DLG2: variants seen among roughly 807,000 people sequenced by gnomAD.
The protein encoded by DLG2 is discs large MAGUK scaffold protein 2, also known as disks large homolog 2.
A neutral mutation model predicts 132.5 loss-of-function variants in DLG2; 45 were observed. The ratio of observed to expected loss-of-function variants is 0.34; its 90% confidence interval spans 0.27 to 0.44. The LOEUF (loss-of-function observed/expected upper bound fraction) is 0.44. DLG2 is among the 20% of genes least tolerant of loss of function. DLG2 has a pLI of 1.00. For synonymous variants in DLG2, 424 were observed against 419.6 expected, an observed-to-expected ratio of 1.01 and a Z score of -0.13; for missense variants, 1,045 against 1,196.9, an observed-to-expected ratio of 0.87 and a Z score of 1.87.
intron 16 of DLG2, among the ~76,000 whole-genome samples, chr11:83,867,271 T>C (rs2062573886): frequency 6.6e-6 from 1 of 152,158 alleles, no homozygotes; most frequent in African/African-American, 2.4e-5. Context: ...CTTTAGTGTC[T>C]TAATCCATAA....
At chr11:84,542,200 A>T (rs1465846539) in intron 6 of DLG2, among the ~76,000 whole-genome samples, 1 of 152,128 alleles carries the variant, frequency 6.6e-6, no homozygotes, top group African/African-American at 2.4e-5. Context: ...GAGCTAGAAC[A>T]TGTTTGTGTG....
intron 18 of DLG2, among the ~76,000 whole-genome samples, chr11:83,748,328 T>C (rs1283925799): frequency 6.6e-6 from 1 of 152,220 alleles, no homozygotes; most frequent in Non-Finnish European, 1.5e-5. Context: ...TATTCTGTTC[T>C]CAGGATGCAT....
chr11:84,501,590 A>AC (rs1368923223), intron 7 of DLG2, among the ~76,000 whole-genome samples: 1 of 152,148 alleles, frequency 6.6e-6, no homozygotes, highest in African/African-American at 2.4e-5. Context: ...AAAATTTATT[A>AC]CCCATTATGG....
intron 7 of DLG2, among the ~76,000 whole-genome samples, chr11:84,502,328 T>C (rs1253949887): frequency 4.3e-4 from 8 of 18,602 alleles, no homozygotes; most frequent in Admixed American, 1.1e-3. Context: ...CTTTCTTTCT[T>C]TCTTTCTTTC....
chr11:84,653,404 C>A (rs1321252356), intron 6 of DLG2, among the ~76,000 whole-genome samples: 1 of 152,182 alleles, frequency 6.6e-6, no homozygotes, highest in Non-Finnish European at 1.5e-5. Context: ...GAAATCCCTG[C>A]AATCAACAGA....
chr11:84,510,358 A>G (rs1459664426), intron 7 of DLG2, among the ~76,000 whole-genome samples: 1 of 152,064 alleles, frequency 6.6e-6, no homozygotes, highest in African/African-American at 2.4e-5. Context: ...TTATACAAGT[A>G]AAAGTGAGTT....
At chr11:84,137,044 G>T (rs1265592531) in intron 9 of DLG2, among the ~76,000 whole-genome samples, 1 of 152,116 alleles carries the variant, frequency 6.6e-6, no homozygotes, top group Non-Finnish European at 1.5e-5. Context: ...TGTGGTCCCA[G>T]GGCAGGAAAG....
chr11:84,530,541 T>C (rs1223669195), intron 7 of DLG2, among the ~76,000 whole-genome samples: 1 of 152,176 alleles, frequency 6.6e-6, no homozygotes, highest in Non-Finnish European at 1.5e-5. Context: ...ACATCACTAA[T>C]CATTTGAGTA....
chr11:84,893,310 C>G (rs981871713), intron 6 of DLG2, among the ~76,000 whole-genome samples: 8 of 152,112 alleles, frequency 5.3e-5, no homozygotes, highest in Admixed American at 1.3e-4. Flanking sequence ...GTTTCTAGAC[C>G]CTAGATATGT....
chr11:84,223,556 CTTTTT>C (rs5793116), intron 8 of DLG2, among the ~76,000 whole-genome samples: 1 of 131,574 alleles, frequency 7.6e-6, no homozygotes, highest in African/African-American at 2.8e-5. Flanking sequence ...ATTTATGTGA[CTTTTT>C]TTTTTTTTTT....
intron 8 of DLG2, among the ~76,000 whole-genome samples, chr11:84,163,863 A>T (rs1036234440): frequency 1.3e-5 from 2 of 152,188 alleles, no homozygotes; most frequent in Non-Finnish European, 2.9e-5. Context: ...CTTGTTTTTT[A>T]AAAAATGTTA....
At chr11:83,713,209 C>T (rs1316429865) in intron 18 of DLG2, among the ~76,000 whole-genome samples, 1 of 152,144 alleles carries the variant, frequency 6.6e-6, no homozygotes, top group Admixed American at 6.5e-5. Flanking sequence ...AAGATCTCAT[C>T]ATTGGGGAAG....
chr11:84,318,167 A>C (rs1241367585), intron 7 of DLG2, among the ~76,000 whole-genome samples: 1 of 152,240 alleles, frequency 6.6e-6, no homozygotes, highest in Admixed American at 6.5e-5. Flanking sequence ...TTTCACTGAA[A>C]AATGAGCTAA....
At chr11:83,647,780 G>C (rs1017237787) in intron 18 of DLG2, 1 of 152,068 alleles carries the variant, frequency 6.6e-6, no homozygotes, top group Non-Finnish European at 1.5e-5. Flanking sequence ...TTTTGGAAGG[G>C]AACAAAAATA....
intron 6 of DLG2, among the ~76,000 whole-genome samples, chr11:84,871,652 T>G (rs760871560): frequency 6.6e-6 from 1 of 152,142 alleles, no homozygotes; most frequent in South Asian, 2.1e-4. Context: ...ACTGGTGGGA[T>G]AGAGAACTGA....
intron 8 of DLG2, among the ~76,000 whole-genome samples, chr11:84,216,443 A>G (rs114870974): frequency 1.4e-4 from 21 of 152,316 alleles, no homozygotes; most frequent in African/African-American, 4.8e-4. Context: ...CTACTACACT[A>G]TAATAGGAAT....
chr11:84,381,346 A>G (rs1450375725), intron 7 of DLG2, among the ~76,000 whole-genome samples: 1 of 152,066 alleles, frequency 6.6e-6, no homozygotes, highest in African/African-American at 2.4e-5. Flanking sequence ...AGAATGAGGA[A>G]AAGAGGTACA....
At chr11:85,405,479 G>T (rs982010041) in intron 3 of DLG2, among the ~76,000 whole-genome samples, 1 of 151,898 alleles carries the variant, frequency 6.6e-6, no homozygotes, top group African/African-American at 2.4e-5. Context: ...AGAACATGCA[G>T]ATCATTTATA....
intron 6 of DLG2, among the ~76,000 whole-genome samples, chr11:85,048,138 T>C (rs748385864): frequency 6.6e-6 from 1 of 151,956 alleles, no homozygotes; most frequent in Non-Finnish European, 1.5e-5. Context: ...ACAAAGCAAT[T>C]ATTTCATGAT....
Sources: allele counts gnomAD v4.1 joint callset (sites outside exome capture counted in the v4.1 genomes callset), GRCh38; gene constraint gnomAD v4.1.1; transcripts MANE v1.5; gene names NCBI Gene and HGNC (gene_info 2026-07-23, HGNC 2026-07-21).